ADAMTS17: variants seen among roughly 807,000 people sequenced by gnomAD.
ADAMTS17 encodes the protein A disintegrin and metalloproteinase with thrombospondin motifs 17.
ADAMTS17 carries 113 observed loss-of-function variants against 141.5 expected under a neutral mutation model. That is an observed-to-expected ratio of 0.80 (90% CI 0.69 to 0.93). The LOEUF (loss-of-function observed/expected upper bound fraction) is 0.93, where lower values mean the gene tolerates loss of function less well. Ranked by LOEUF, ADAMTS17 falls within the 40% of genes least tolerant of loss-of-function variation. The pLI is 0.00. For synonymous variants in ADAMTS17, 768 were observed against 630.6 expected (o/e 1.22, Z -3.27); for missense variants, 1,659 against 1,517.9 (o/e 1.09, Z -1.54).
At chr15:100,217,045 T>C (rs1372827959) in intron 7 of ADAMTS17, among the ~76,000 whole-genome samples, 4 of 152,182 alleles carry the variant, frequency 2.6e-5, no homozygotes, top group African/African-American at 9.7e-5. Flanking sequence ...AGAGTTGATA[T>C]TAAATTTATA....
At position 100,101,031 on chromosome 15, in the gene ADAMTS17, C is replaced by T. The variant is rs540861853; in HGVS notation, c.2017-4555G>A. Among the ~76,000 whole-genome samples, 126 of 152,234 alleles carry T rather than the reference C, an allele frequency of 8.3e-4. 1 individual carries two copies. Among genetic ancestry groups the T allele is most frequent in the Admixed American group, 6.5e-3 (99 of 15,306 alleles). ...TGAGTCAGTTATCCATAGCTAAGAT[C>T]GCTTCACTCCTCTGCATCAATTCTG... On this transcript the variant is annotated intron_variant, in intron 14 of 21. Transcript: ENST00000268070.
chr15:100,232,274 G>A (rs1360469847), intron 7 of ADAMTS17, among the ~76,000 whole-genome samples: 3 of 152,184 alleles, frequency 2.0e-5, no homozygotes, highest in Non-Finnish European at 4.4e-5. Flanking sequence ...CAGGACACCT[G>A]CCTGCAGCAT....
chr15:100,060,499 G>A (rs370182255), intron 15 of ADAMTS17, among the ~76,000 whole-genome samples: 10 of 152,334 alleles, frequency 6.6e-5, no homozygotes, highest in African/African-American at 2.4e-4. Context: ...CCTGAGGGAA[G>A]GGCACTGCTC....
At chr15:100,106,085 C>T (rs1342367781) in intron 14 of ADAMTS17, among the ~76,000 whole-genome samples, 1 of 152,102 alleles carries the variant, frequency 6.6e-6, no homozygotes, top group African/African-American at 2.4e-5. Context: ...CAAACTCTGC[C>T]TCTCAGGCTC....
chr15:100,044,886 C>A (rs2031558627), intron 18 of ADAMTS17, among the ~76,000 whole-genome samples: 1 of 151,432 alleles, frequency 6.6e-6, no homozygotes, highest in Non-Finnish European at 1.5e-5. Flanking sequence ...CAGCTCACTG[C>A]AACCTCTGTA....
At chr15:100,135,604 C>G (rs1400447600) in intron 10 of ADAMTS17, among the ~76,000 whole-genome samples, 1 of 152,042 alleles carries the variant, frequency 6.6e-6, no homozygotes, top group East Asian at 1.9e-4. Flanking sequence ...CTTCTGTTTA[C>G]CAAAAGGCAA....
chr15:100,263,704 G>A (rs2043610239), intron 4 of ADAMTS17, among the ~76,000 whole-genome samples: 1 of 152,232 alleles, frequency 6.6e-6, no homozygotes, highest in Non-Finnish European at 1.5e-5. Context: ...GCATAGTAAA[G>A]GTAGTGGCAG....
At chr15:100,180,723 G>C (rs1160967375) in intron 8 of ADAMTS17, among the ~76,000 whole-genome samples, 2 of 152,114 alleles carry the variant, frequency 1.3e-5, no homozygotes, top group African/African-American at 2.4e-5. Flanking sequence ...TTTCATTACA[G>C]AGATCTTTTA....
rs201734269 is a variant in ADAMTS17, at chr15:100,155,282, G to C, written c.1220C>G (p.Ala407Gly). ...MNHDDDHSSCAGRSHIMSGEW... is the reference protein window; with the variant it reads ...MNHDDDHSSCGGRSHIMSGEW... ...TCCTGACATGATGTGGGACCTGCCA[G>C]CGCAAGATGAGTGGTCATCGTCGTG... Residue 407 changes from alanine to glycine, a missense_variant, in exon 9 of 22, where the codon GCT (alanine) becomes GGT (glycine). Ala to Gly is a moderately conservative substitution (Grantham distance 60). Coordinates refer to ENST00000268070, the MANE Select transcript of ADAMTS17 (RefSeq NM_139057.4). 3.0e-4 allele frequency: 484 copies of C among 1,614,074 alleles called. 1 individual carries two copies. The highest frequency in any genetic ancestry group is 3.7e-4 in the Non-Finnish European group (437 of 1,180,032).
chr15:100,057,702 C>A (rs941511063), intron 15 of ADAMTS17, among the ~76,000 whole-genome samples: 2 of 152,190 alleles, frequency 1.3e-5, no homozygotes, highest in Non-Finnish European at 2.9e-5. Flanking sequence ...ATCACCCAAC[C>A]CCAAACAGGG....
chr15:100,299,203 A>G (rs1368956939), intron 3 of ADAMTS17, among the ~76,000 whole-genome samples: 2 of 151,958 alleles, frequency 1.3e-5, no homozygotes, highest in African/African-American at 4.8e-5. Context: ...GGGAGACACA[A>G]TTTAGCCCAT....
At chr15:100,080,947 T>C (rs1025694061) in intron 15 of ADAMTS17, among the ~76,000 whole-genome samples, 13 of 152,226 alleles carry the variant, frequency 8.5e-5, no homozygotes, top group Admixed American at 7.9e-4. Context: ...TGTGTATGGG[T>C]TCAAGTTGAC....
intron 4 of ADAMTS17, among the ~76,000 whole-genome samples, chr15:100,274,814 AT>A (rs1196233567): frequency 1.3e-4 from 20 of 149,922 alleles, no homozygotes; most frequent in Non-Finnish European, 2.4e-4. Flanking sequence ...GTATACATAT[AT>A]TTTTTTTTGG....
intron 8 of ADAMTS17, among the ~76,000 whole-genome samples, chr15:100,174,768 G>A (rs1231252175): frequency 6.6e-6 from 1 of 152,142 alleles, no homozygotes; most frequent in Non-Finnish European, 1.5e-5. Flanking sequence ...ATGTTAGGAG[G>A]ATGGAATGTG....
chr15:100,177,260 G>A (rs1019441176), intron 8 of ADAMTS17, among the ~76,000 whole-genome samples: 1 of 152,276 alleles, frequency 6.6e-6, no homozygotes, highest in Non-Finnish European at 1.5e-5. Context: ...GCAATCTTTC[G>A]TCTTTTCTAA....
chr15:100,310,197 G>C (rs190521523), intron 3 of ADAMTS17, among the ~76,000 whole-genome samples: 1 of 152,234 alleles, frequency 6.6e-6, no homozygotes, highest in Admixed American at 6.5e-5. Context: ...GAAACCAACA[G>C]GCCAAACACC....
chr15:100,037,655 T>C (rs111363393), intron 18 of ADAMTS17, among the ~76,000 whole-genome samples: 7,011 of 151,678 alleles, frequency 0.046, 332 homozygotes, highest in African/African-American at 0.12. Context: ...GAGATCCGTC[T>C]GCCTCGGCCT....
chr15:100,267,245 T>G (rs56278087), intron 4 of ADAMTS17, among the ~76,000 whole-genome samples: 31,672 of 151,766 alleles, frequency 0.21, 3,517 homozygotes, highest in East Asian at 0.41. Context: ...AGCACTTGTG[T>G]TTTTGTGTCA....
chr15:100,220,328 G>C (rs2042093884), intron 7 of ADAMTS17, among the ~76,000 whole-genome samples: 1 of 152,116 alleles, frequency 6.6e-6, no homozygotes, highest in South Asian at 2.1e-4. Flanking sequence ...TAAGTGGGGT[G>C]GCAGCGGAAG....
Sources: gnomAD v4.1 joint callset for allele counts (sites outside exome capture counted in the v4.1 genomes callset) on GRCh38, gnomAD v4.1.1 for gene constraint, MANE v1.5 for transcripts, NCBI Gene and HGNC (gene_info 2026-07-23, HGNC 2026-07-21) for gene names.